The following NALF1 variants were observed in gnomAD, a reference collection of about 807,000 sequenced individuals.
The protein encoded by NALF1 is NALCN channel auxiliary factor 1.
Under a neutral mutation model 48.4 loss-of-function variants are expected in NALF1, and 3 were observed. The ratio of observed to expected loss-of-function variants is 0.06; its 90% CI spans 0.03 to 0.16. The LOEUF (loss-of-function observed/expected upper bound fraction) is 0.16. NALF1 is among the 10% of genes least tolerant of loss of function. The pLI is 1.00. For missense variants in NALF1, 526 were observed against 571.5 expected (o/e 0.92, Z 0.81); for synonymous variants, 262 against 245.7 (o/e 1.07, Z -0.62).
intron 1 of NALF1, among the ~76,000 whole-genome samples, chr13:107,650,924 C>T (rs35796540): frequency 0.3 from 44,242 of 149,044 alleles, 6,845 homozygotes; most frequent in African/African-American, 0.36. Flanking sequence ...GTCTACTTGA[C>T]GGGGGAGGGT....
intron 1 of NALF1, among the ~76,000 whole-genome samples, chr13:107,287,212 A>G (rs1881513341): frequency 1.3e-5 from 2 of 152,224 alleles, no homozygotes; most frequent in South Asian, 4.1e-4. Context: ...CCAACCACCC[A>G]TCAGCATCAA....
At chr13:107,516,121 C>A (rs966690561) in intron 1 of NALF1, among the ~76,000 whole-genome samples, 2 of 152,260 alleles carry the variant, frequency 1.3e-5, no homozygotes, top group Middle Eastern at 3.4e-3. Context: ...AAGGTTGAAG[C>A]TCTTAGGTAT....
At chr13:107,368,082 A>G (rs1200800793) in intron 1 of NALF1, among the ~76,000 whole-genome samples, 9 of 152,262 alleles carry the variant, frequency 5.9e-5, no homozygotes, top group African/African-American at 1.7e-4. Flanking sequence ...ACATTCCTAA[A>G]CAGTCATAAT....
intron 1 of NALF1, among the ~76,000 whole-genome samples, chr13:107,215,103 C>T (rs1038023473): frequency 6.6e-6 from 1 of 152,138 alleles, no homozygotes; most frequent in Non-Finnish European, 1.5e-5. Context: ...TAGAGACCAC[C>T]TAGCTGAGCC....
At chr13:107,520,717 C>T (rs947384881) in intron 1 of NALF1, among the ~76,000 whole-genome samples, 2 of 152,148 alleles carry the variant, frequency 1.3e-5, no homozygotes, top group African/African-American at 2.4e-5. Flanking sequence ...TCCCTGTGTA[C>T]GACTGCCTGC....
chr13:107,406,382 T>C (rs1883899674), intron 1 of NALF1, among the ~76,000 whole-genome samples: 1 of 151,926 alleles, frequency 6.6e-6, no homozygotes, highest in South Asian at 2.1e-4. Flanking sequence ...GTGAGCAACC[T>C]GAAAACAAAA....
intron 1 of NALF1, among the ~76,000 whole-genome samples, chr13:107,512,679 G>A (rs901397099): frequency 3.3e-5 from 5 of 152,096 alleles, no homozygotes; most frequent in Admixed American, 6.5e-5. Flanking sequence ...CAGATTGAGG[G>A]GCAGTTTTTG....
At chr13:107,511,948 C>T (rs139127596) in intron 1 of NALF1, among the ~76,000 whole-genome samples, 3 of 152,338 alleles carry the variant, frequency 2.0e-5, no homozygotes, top group Non-Finnish European at 2.9e-5. Context: ...TCCCAGTCAT[C>T]TGAGTAGCAA....
intron 1 of NALF1, among the ~76,000 whole-genome samples, chr13:107,638,788 C>T (rs983762455): frequency 6.6e-6 from 1 of 152,042 alleles, no homozygotes; most frequent in Admixed American, 6.6e-5. Context: ...CTGGGCTAGG[C>T]AAGGGCTGTG....
chr13:107,672,894 G>A (rs1300075603), intron 1 of NALF1, among the ~76,000 whole-genome samples: 2 of 151,904 alleles, frequency 1.3e-5, no homozygotes, highest in Admixed American at 6.6e-5. Context: ...CCTCATCTTC[G>A]CCTTTTTCTC....
intron 1 of NALF1, among the ~76,000 whole-genome samples, chr13:107,248,745 A>G (rs959112307): frequency 2.0e-5 from 3 of 151,674 alleles, no homozygotes; most frequent in African/African-American, 7.3e-5. Context: ...TCTAATGGGT[A>G]GTATTTTCTA....
intron 1 of NALF1, among the ~76,000 whole-genome samples, chr13:107,289,967 A>C (rs1305661880): frequency 6.6e-6 from 1 of 152,188 alleles, no homozygotes; most frequent in Admixed American, 6.5e-5. Flanking sequence ...AGTCTCATCA[A>C]GGAACTTTCA....
intron 1 of NALF1, among the ~76,000 whole-genome samples, chr13:107,323,300 C>T (rs9514655): frequency 0.35 from 53,601 of 152,036 alleles, 11,497 homozygotes; most frequent in South Asian, 0.55. Context: ...CTAACAGCTC[C>T]ACTCAGATTT....
intron 1 of NALF1, among the ~76,000 whole-genome samples, chr13:107,570,166 C>G (rs922202754): frequency 1.3e-5 from 2 of 148,990 alleles, no homozygotes; most frequent in African/African-American, 4.8e-5. Context: ...TTCTTCCTTT[C>G]CAATGTATAT....
chr13:107,606,090 C>T (rs1879059076), intron 1 of NALF1, among the ~76,000 whole-genome samples: 1 of 152,056 alleles, frequency 6.6e-6, no homozygotes, highest in African/African-American at 2.4e-5. Context: ...TTTTCCATTG[C>T]CTAAATTCAC....
intron 1 of NALF1, among the ~76,000 whole-genome samples, chr13:107,754,934 C>A (rs532178855): frequency 3.3e-5 from 5 of 152,210 alleles, no homozygotes; most frequent in Non-Finnish European, 5.9e-5. Context: ...ATGTTTTCCT[C>A]GAATTTATTT....
chr13:107,583,942 T>C (rs1878381099), intron 1 of NALF1, among the ~76,000 whole-genome samples: 2 of 152,198 alleles, frequency 1.3e-5, no homozygotes, highest in African/African-American at 2.4e-5. Flanking sequence ...TACACCCCTA[T>C]TCTAAGGACA....
chr13:107,643,498 T>C (rs963287166), intron 1 of NALF1, among the ~76,000 whole-genome samples: 10 of 141,452 alleles, frequency 7.1e-5, no homozygotes, highest in African/African-American at 2.6e-4. Flanking sequence ...ACTCAGGACA[T>C]AGAAATGTAA....
intron 1 of NALF1, among the ~76,000 whole-genome samples, chr13:107,271,936 A>G (rs958606285): frequency 4.6e-5 from 7 of 151,330 alleles, no homozygotes; most frequent in Non-Finnish European, 7.4e-5. Context: ...ATAACTCTCT[A>G]TATGTTATAA....
Sources: allele counts gnomAD v4.1 joint callset (sites outside exome capture counted in the v4.1 genomes callset), GRCh38; gene constraint gnomAD v4.1.1; transcripts MANE v1.5; gene names NCBI Gene and HGNC (gene_info 2026-07-23, HGNC 2026-07-21).